Variants in FA2H observed in about 807,000 individuals in gnomAD.
The protein encoded by FA2H is fatty acid alpha-hydroxylase.
Under a neutral mutation model 44.9 loss-of-function variants are expected in FA2H, and 22 were observed. The ratio of observed to expected loss-of-function variants is 0.49; its 90% CI spans 0.35 to 0.70. The LOEUF (loss-of-function observed/expected upper bound fraction) is 0.70. FA2H is among the 30% of genes least tolerant of loss of function. FA2H has a pLI of 0.01. For missense variants in FA2H, 501 were observed against 504.9 expected (o/e 0.99, Z 0.07); for synonymous variants, 243 against 213.2 (o/e 1.14, Z -1.22).
chr16:74,716,488 C>A lies in FA2H; in HGVS notation c.898G>T (p.Val300Leu), dbSNP rs199908318. Residue 300 changes from valine (V) to leucine (L), a missense_variant, in exon 6 of 7, where the codon GTG becomes TTG. Transcript: ENST00000219368. ...LILPEAVGGT[V>L]FAGGLLGYVL... ...TAGCCCAGGAGGCCCCCCGCAAACA[C>A]AGTGCCCCCTACTGCCTCGGGCAGG... is the stretch of plus-strand genomic sequence containing the variant. The A allele has an allele frequency of 1.2e-6, 2 of 1,613,788 alleles. No homozygotes were observed. Among genetic ancestry groups the A allele is most frequent in the South Asian group, 1.1e-5 (1 of 91,082 alleles).
At chr16:74,725,870 C>T (rs780950407) in intron 4 of FA2H, 10 of 354,196 alleles carry the variant, frequency 2.8e-5, no homozygotes, top group East Asian at 7.3e-5. Context: ...CTGTGTCACC[C>T]GATGAAGTGA....
At chr16:74,767,620 G>A (rs1018687648) in intron 1 of FA2H, among the ~76,000 whole-genome samples, 1 of 152,214 alleles carries the variant, frequency 6.6e-6, no homozygotes, top group African/African-American at 2.4e-5. Context: ...AGGCTGGCAT[G>A]ATGAGATTGC....
At chr16:74,736,113 C>T (rs1962174576) in intron 2 of FA2H, among the ~76,000 whole-genome samples, 1 of 152,246 alleles carries the variant, frequency 6.6e-6, no homozygotes, top group African/African-American at 2.4e-5. Context: ...AAGCAGAGGG[C>T]AGTGCCCAGC....
chr16:74,734,704 C>A (rs1051374347), intron 2 of FA2H, among the ~76,000 whole-genome samples: 1 of 152,200 alleles, frequency 6.6e-6, no homozygotes, highest in African/African-American at 2.4e-5. Flanking sequence ...AGGACCCCTC[C>A]TCCTGGGCAG....
intron 1 of FA2H, among the ~76,000 whole-genome samples, chr16:74,748,956 G>A (rs75473370): frequency 0.032 from 4,819 of 152,268 alleles, 118 homozygotes; most frequent in East Asian, 0.12. Context: ...GAGGCCCAGG[G>A]GGAAGGTGGG....
chr16:74,741,230 G>A (rs1329832039), intron 1 of FA2H: 1 of 152,262 alleles, frequency 6.6e-6, no homozygotes, highest in African/African-American at 2.4e-5. Context: ...AGGAAGCCAT[G>A]GTGCTGGTGG....
At chr16:74,721,328 C>T (rs544721053) in intron 4 of FA2H, among the ~76,000 whole-genome samples, 113 of 152,194 alleles carry the variant, frequency 7.4e-4, no homozygotes, top group Non-Finnish European at 1.4e-3. Flanking sequence ...CCACCATGCC[C>T]AACTAATTTT....
intron 2 of FA2H, among the ~76,000 whole-genome samples, chr16:74,736,866 G>A (rs1462274010): frequency 6.6e-6 from 1 of 152,156 alleles, no homozygotes. Flanking sequence ...GGGAGGGGCC[G>A]CTATCTGGGC....
intron 2 of FA2H, among the ~76,000 whole-genome samples, chr16:74,731,277 G>A (rs1202954774): frequency 6.7e-6 from 1 of 150,288 alleles, no homozygotes; most frequent in Non-Finnish European, 1.5e-5. Context: ...TGGGATTATA[G>A]GCGCCCACCA....
chr16:74,752,628 G>C (rs1317445380), intron 1 of FA2H, among the ~76,000 whole-genome samples: 2 of 152,196 alleles, frequency 1.3e-5, no homozygotes, highest in African/African-American at 4.8e-5. Context: ...CCCCATGAGT[G>C]TCTCAGCCAG....
At chr16:74,742,455 C>T (rs548877826) in intron 1 of FA2H, among the ~76,000 whole-genome samples, 5 of 152,300 alleles carry the variant, frequency 3.3e-5, no homozygotes, top group Non-Finnish European at 5.9e-5. Flanking sequence ...CAGTGCCCTT[C>T]GGCCGAGTAC....
intron 1 of FA2H, among the ~76,000 whole-genome samples, chr16:74,771,121 A>G (rs114996747): frequency 0.025 from 3,759 of 152,278 alleles, 169 homozygotes; most frequent in African/African-American, 0.086. Context: ...GGGCGGGCCC[A>G]TGAGCCACCG....
intron 1 of FA2H, among the ~76,000 whole-genome samples, chr16:74,758,313 G>C (rs752486260): frequency 1.3e-5 from 2 of 151,500 alleles, no homozygotes; most frequent in Non-Finnish European, 2.9e-5. Context: ...GTAGAGTCAG[G>C]GTTTCACTAT....
chr16:74,718,099 A>G (rs1374681976), intron 5 of FA2H, among the ~76,000 whole-genome samples: 2 of 152,164 alleles, frequency 1.3e-5, no homozygotes, highest in Non-Finnish European at 2.9e-5. Flanking sequence ...GGAGGACCAC[A>G]GCCAACCAAC....
chr16:74,745,445 C>T (rs1316058403), intron 1 of FA2H, among the ~76,000 whole-genome samples: 2 of 152,180 alleles, frequency 1.3e-5, no homozygotes, highest in African/African-American at 2.4e-5. Context: ...GCCACCGATG[C>T]GTGGGGAGGG....
chr16:74,742,501 G>T (rs551569407), intron 1 of FA2H, among the ~76,000 whole-genome samples: 28 of 152,304 alleles, frequency 1.8e-4, no homozygotes, highest in Middle Eastern at 3.4e-3. Context: ...AAGTATATAA[G>T]ACTGGTATGA....
At chr16:74,718,825 G>A (rs143497989) in intron 5 of FA2H, among the ~76,000 whole-genome samples, 163 bp downstream of exon 5, 67 of 152,306 alleles carry the variant, frequency 4.4e-4, no homozygotes, top group Non-Finnish European at 6.2e-4. Flanking sequence ...GCTTAGGTTC[G>A]GATGCCCAAC....
chr16:74,757,328 A>C (rs193229892), intron 1 of FA2H, among the ~76,000 whole-genome samples: 24 of 152,346 alleles, frequency 1.6e-4, no homozygotes, highest in Admixed American at 1.5e-3. Flanking sequence ...ATGATTGAAA[A>C]GACTGCTAAC....
At chr16:74,739,949 C>T (rs1962258375) in intron 2 of FA2H, 74 bp downstream of exon 2, 5 of 1,167,486 alleles carry the variant, frequency 4.3e-6, no homozygotes, top group Non-Finnish European at 5.2e-6. Context: ...CCAGCTTTGG[C>T]TCCACACACC....
Sources: allele counts gnomAD v4.1 joint callset (sites outside exome capture counted in the v4.1 genomes callset), GRCh38; gene constraint gnomAD v4.1.1; transcripts MANE v1.5; gene names NCBI Gene and HGNC (gene_info 2026-07-23, HGNC 2026-07-21).